KLHL6: variants seen among roughly 807,000 people sequenced by gnomAD.
The protein encoded by KLHL6 is kelch-like protein 6.
In KLHL6, 41 loss-of-function variants were observed where a neutral mutation model predicts 58.6. That is an observed-to-expected ratio of 0.70 (90% confidence interval 0.55 to 0.91). The LOEUF is 0.91. Among genes scored for constraint, KLHL6 ranks in the 40% least tolerant of loss-of-function variants. The pLI is 0.00. For synonymous variants in KLHL6, 338 were observed against 322.7 expected (o/e 1.05, Z -0.51); for missense variants, 714 against 805.6 (o/e 0.89, Z 1.38).
chr3:183,492,115 G>T lies in KLHL6; in HGVS notation c.1678C>A (p.Leu560Ile). ...SCGIAPCNNR[L>I]YITGGRDEKN... ...TCGTCCCGCCCGCCGGTGATGTAGA[G>T]CCGGTTGTTGCAGGGCGCGATACCG... The change falls in exon 7 of 7, where the codon CTC (leucine) becomes ATC (isoleucine). Residue 560 changes from leucine (L) to isoleucine (I), a missense_variant. This residue lies in a region of KLHL6 where 510 missense variants were observed against 629.7 expected (regional missense o/e 0.81). Transcript: ENST00000341319. This position sits in a 1 kb window ranked among gnomAD's most constrained non-coding sequence, Gnocchi z 5.9. 1.9e-6 allele frequency: 3 copies of T among 1,613,864 alleles called. No homozygotes were observed. Among genetic ancestry groups the T allele is most frequent in the Non-Finnish European group, 2.5e-6 (3 of 1,180,018 alleles).
chr3:183,495,258 T>C (rs778714780), intron 4 of KLHL6, among the ~76,000 whole-genome samples: 1 of 152,214 alleles, frequency 6.6e-6, no homozygotes, highest in African/African-American at 2.4e-5. Context: ...GCTGTGGTGG[T>C]TGACTTTTCC....
intron 1 of KLHL6, among the ~76,000 whole-genome samples, chr3:183,538,438 G>A (rs1353744279): frequency 1.3e-5 from 2 of 151,988 alleles, no homozygotes; most frequent in East Asian, 1.9e-4. Context: ...ACCATTCCCC[G>A]TTTATACCAG....
intron 3 of KLHL6, among the ~76,000 whole-genome samples, chr3:183,500,791 T>C (rs1202414661): frequency 2.6e-5 from 4 of 152,136 alleles, no homozygotes; most frequent in African/African-American, 9.7e-5. Context: ...GCAGCAACCG[T>C]TTCCCAGATG....
rs979666150 is a variant in KLHL6 at position 183,491,378 on chromosome 3, G to C, written c.*549C>G. ...TCCGCCCGCCTCAGCCTCCCATAGG[G>C]CTGGGATTACAGGCGTGAGCCGCCA... On this transcript the variant is annotated 3_prime_UTR_variant, in exon 7 of 7. Coordinates refer to ENST00000341319, the MANE Select transcript of KLHL6 (RefSeq NM_130446.4). 6.6e-6 allele frequency: 1 copy of C among 152,468 alleles called. No individual in the cohort carries two copies. The highest frequency in any genetic ancestry group is 1.5e-5 in the Non-Finnish European group (1 of 68,254). 9.4% of individuals were successfully genotyped at this position (152,468 alleles called of 1,614,324 possible).
chr3:183,511,517 G>C (rs1197967776), intron 2 of KLHL6, among the ~76,000 whole-genome samples: 1 of 152,174 alleles, frequency 6.6e-6, no homozygotes, highest in Non-Finnish European at 1.5e-5. Flanking sequence ...TGTCGGGCTG[G>C]GGGATGGTCA....
chr3:183,500,125 G>A (rs1169086106), intron 3 of KLHL6, among the ~76,000 whole-genome samples: 1 of 152,024 alleles, frequency 6.6e-6, no homozygotes, highest in African/African-American at 2.4e-5. Context: ...AAGAGGTGAG[G>A]GTCTATTTAC....
At chr3:183,546,298 A>G (rs943679358) in intron 1 of KLHL6, among the ~76,000 whole-genome samples, 1 of 152,214 alleles carries the variant, frequency 6.6e-6, no homozygotes, top group Admixed American at 6.5e-5. Context: ...TTTAACATCT[A>G]TTCTGCATAT....
At chr3:183,523,707 T>TC (rs1382308479) in intron 2 of KLHL6, among the ~76,000 whole-genome samples, 15 of 116,260 alleles carry the variant, frequency 1.3e-4, no homozygotes, top group Middle Eastern at 4.0e-3. Flanking sequence ...TGTTTGTTTT[T>TC]TTTCCATAAG....
intron 2 of KLHL6, among the ~76,000 whole-genome samples, chr3:183,513,837 A>C (rs56387911): frequency 6.6e-6 from 1 of 151,898 alleles, no homozygotes. Flanking sequence ...CCCTGCATGC[A>C]TTAGGTATTT....
intron 2 of KLHL6, among the ~76,000 whole-genome samples, chr3:183,509,794 T>C (rs1718126859): frequency 6.6e-6 from 1 of 152,204 alleles, no homozygotes; most frequent in Admixed American, 6.5e-5. Context: ...AAGGGAACCA[T>C]AGTTCTCCCA....
At chr3:183,508,739 T>C (rs935361111) in intron 2 of KLHL6, among the ~76,000 whole-genome samples, 1 of 152,060 alleles carries the variant, frequency 6.6e-6, no homozygotes, top group African/African-American at 2.4e-5. Context: ...AACAATGAGA[T>C]ACTTACGGGA....
chr3:183,552,610 CA>C (rs1712966553), intron 1 of KLHL6, among the ~76,000 whole-genome samples: 2 of 149,780 alleles, frequency 1.3e-5, no homozygotes, highest in African/African-American at 4.9e-5. Context: ...CCCAGCTACT[CA>C]GGGGGCTGAG....
Position 183,527,945 on chromosome 3 carries a change from G to A in KLHL6, c.359C>T (p.Ala120Val). 1 of 1,614,012 alleles carries A rather than the reference G, an allele frequency of 6.2e-7. No individual in the cohort carries two copies. Among genetic ancestry groups the A allele is most frequent in the Non-Finnish European group, 8.5e-7 (1 of 1,179,972 alleles). ...EKRIIIKGVDAETMHTLLDYT... is the reference protein window; with the variant it reads ...EKRIIIKGVDVETMHTLLDYT... ...GTCCAACAGAGTGTGCATGGTCTCA[G>A]CATCAACCCCTTTAATAATGATCCT... Residue 120 changes from alanine (A) to valine (V), a missense_variant, in exon 2 of 7, where the codon GCT becomes GTT. Ala to Val is a moderately conservative substitution (Grantham distance 64). Coordinates refer to ENST00000341319, the MANE Select transcript of KLHL6 (RefSeq NM_130446.4).
intron 3 of KLHL6, among the ~76,000 whole-genome samples, chr3:183,507,116 G>A (rs931523717): frequency 3.3e-5 from 5 of 152,106 alleles, no homozygotes; most frequent in Admixed American, 2.6e-4. Flanking sequence ...CTCTGGGAAC[G>A]TAGGCAGGAA....
At chr3:183,498,789 G>A (rs923692081) in intron 4 of KLHL6, among the ~76,000 whole-genome samples, 4 of 152,184 alleles carry the variant, frequency 2.6e-5, no homozygotes, top group South Asian at 4.1e-4. Context: ...TAATGGGAAA[G>A]GCAGACACAA....
chr3:183,540,116 A>T (rs762850456), intron 1 of KLHL6, among the ~76,000 whole-genome samples: 2 of 152,194 alleles, frequency 1.3e-5, no homozygotes, highest in Non-Finnish European at 1.5e-5. Flanking sequence ...CCAAGCCACA[A>T]TGATTGGTTC....
chr3:183,509,832 G>A (rs7626216), intron 2 of KLHL6, among the ~76,000 whole-genome samples: 42,627 of 151,982 alleles, frequency 0.28, 6,530 homozygotes, highest in East Asian at 0.61. Context: ...GGATGGACAG[G>A]GAATATACTA....
chr3:183,554,500 C>CT (rs1488088782), intron 1 of KLHL6, among the ~76,000 whole-genome samples: 1 of 152,160 alleles, frequency 6.6e-6, no homozygotes. Context: ...ACCAAGTCTC[C>CT]TGACTTCAGG....
At chr3:183,525,610 A>G (rs1711938294) in intron 2 of KLHL6, among the ~76,000 whole-genome samples, 1 of 152,230 alleles carries the variant, frequency 6.6e-6, no homozygotes, top group Non-Finnish European at 1.5e-5. Context: ...CAAATAAGTG[A>G]CTGACCCAGG....
Sources: gnomAD v4.1 joint callset for allele counts (sites outside exome capture counted in the v4.1 genomes callset) on GRCh38, gnomAD v4.1.1 for gene constraint, gnomAD v4.1.1 regional missense constraint, Gnocchi (gnomAD v3.1) non-coding constraint, MANE v1.5 for transcripts, NCBI Gene and HGNC (gene_info 2026-07-23, HGNC 2026-07-21) for gene names.